Variants in TRIO observed in about 807,000 individuals in gnomAD.
TRIO encodes the protein triple functional domain protein.
Under a neutral mutation model 351.9 loss-of-function variants are expected in TRIO, and 58 were observed. That is an observed-to-expected ratio of 0.16 (90% CI 0.13 to 0.21). TRIO has a LOEUF of 0.21. Ranked by LOEUF, TRIO falls within the 10% of genes least tolerant of loss-of-function variation. The pLI is 1.00. For missense variants in TRIO, 3,201 were observed against 4,027.8 expected (o/e 0.79, Z 5.56); for synonymous variants, 1,758 against 1,595.7 (o/e 1.10, Z -2.42).
chr5:14,380,301 GCGCCCCGCC>G (rs1745967579), intron 20 of TRIO, among the ~76,000 whole-genome samples: 1 of 122,678 alleles, frequency 8.2e-6, no homozygotes, highest in Non-Finnish European at 1.6e-5. Context: ...CTCCTCCTTC[GCGCCCCGCC>G]TCCTCCTTCG....
chr5:14,446,055 G>T (rs1038285453), intron 34 of TRIO, among the ~76,000 whole-genome samples: 3 of 152,194 alleles, frequency 2.0e-5, no homozygotes, highest in Admixed American at 1.3e-4. Context: ...CTGTTAATTG[G>T]TGTTCTTAGC....
chr5:14,469,185 T>G (rs1387350663), intron 37 of TRIO, among the ~76,000 whole-genome samples: 2 of 152,060 alleles, frequency 1.3e-5, no homozygotes. Flanking sequence ...AGGAATGAAT[T>G]TATACAGATA....
chr5:14,467,948 G>A (rs1055886161), intron 37 of TRIO, among the ~76,000 whole-genome samples: 2 of 152,174 alleles, frequency 1.3e-5, no homozygotes, highest in Admixed American at 1.3e-4. Context: ...GAGTTTTTAA[G>A]CATCCTTAAA....
intron 1 of TRIO, among the ~76,000 whole-genome samples, chr5:14,264,830 T>G (rs1795570653): frequency 6.6e-6 from 1 of 152,226 alleles, no homozygotes; most frequent in South Asian, 2.1e-4. Flanking sequence ...CGCGTGCGCT[T>G]GCGGAGCGAG....
At chr5:14,378,771 C>T (rs140296289) in intron 20 of TRIO, among the ~76,000 whole-genome samples, 1 of 151,994 alleles carries the variant, frequency 6.6e-6, no homozygotes, top group African/African-American at 2.4e-5. Context: ...TGTTGGCCAG[C>T]CTGGTCTCGA....
intron 9 of TRIO, among the ~76,000 whole-genome samples, chr5:14,322,389 A>G (rs1362579054): frequency 6.6e-6 from 1 of 152,198 alleles, no homozygotes; most frequent in Non-Finnish European, 1.5e-5. Flanking sequence ...GTGCATGGGA[A>G]TTTTGGAAGT....
At chr5:14,436,775 C>G (rs1751622700) in intron 34 of TRIO, among the ~76,000 whole-genome samples, 1 of 152,222 alleles carries the variant, frequency 6.6e-6, no homozygotes, top group South Asian at 2.1e-4. Context: ...TCCTTTGACT[C>G]CATGTCTCAC....
intron 1 of TRIO, among the ~76,000 whole-genome samples, chr5:14,231,551 G>C (rs1311998527): frequency 6.6e-6 from 1 of 152,156 alleles, no homozygotes; most frequent in Non-Finnish European, 1.5e-5. Flanking sequence ...GGCCTTCTTT[G>C]CTCTCCTTAG....
intron 1 of TRIO, among the ~76,000 whole-genome samples, chr5:14,259,447 T>G (rs1329353692): frequency 6.6e-6 from 1 of 152,254 alleles, no homozygotes; most frequent in Non-Finnish European, 1.5e-5. Flanking sequence ...GCAGATGCAT[T>G]ACTTTTCTCA....
At chr5:14,388,715 A>C in intron 24 of TRIO, 36 bp downstream of exon 24, 1 of 1,314,456 alleles carries the variant, frequency 7.6e-7, no homozygotes, top group African/African-American at 2.4e-5. Flanking sequence ...TTGCTTGTTT[A>C]TTTAGATTGA....
At chr5:14,384,277 C>G (rs1019563712) in intron 21 of TRIO, among the ~76,000 whole-genome samples, 1 of 152,184 alleles carries the variant, frequency 6.6e-6, no homozygotes, top group African/African-American at 2.4e-5. Flanking sequence ...TGATCACCAG[C>G]GTCCGCAATG....
chr5:14,327,872 A>G (rs1740526510), intron 9 of TRIO, among the ~76,000 whole-genome samples: 2 of 152,236 alleles, frequency 1.3e-5, no homozygotes, highest in South Asian at 4.1e-4. Context: ...GTTGTCCTTG[A>G]GACATTTCTT....
intron 1 of TRIO, among the ~76,000 whole-genome samples, chr5:14,188,513 A>G (rs1045499077): frequency 1.3e-5 from 2 of 152,228 alleles, no homozygotes; most frequent in African/African-American, 2.4e-5. Context: ...TGTCTTTTAT[A>G]TGACTGATGA....
Position 14,330,778 on chromosome 5 carries a change from G to A in TRIO, c.1732G>A (p.Val578Met). 6.2e-7 allele frequency: 1 copy of A among 1,613,946 alleles called. No homozygotes were observed. Among genetic ancestry groups the A allele is most frequent in the Non-Finnish European group, 8.5e-7 (1 of 1,179,896 alleles). The part of the protein sequence containing the change: ...LCVFQQDVQQ[V>M]LDWIENHGEA... ...CATATGTACCTGTATTTCATTGTAG[G>A]TGCTAGACTGGATCGAGAACCACGG... Residue 578 changes from valine to methionine, a missense_variant and splice_region_variant, in exon 10 of 57, where the codon GTG (valine) becomes ATG (methionine). By Grantham distance (21) the Val-to-Met change is conservative. Coordinates refer to ENST00000344204, the MANE Select transcript of TRIO (RefSeq NM_007118.4).
intron 34 of TRIO, among the ~76,000 whole-genome samples, chr5:14,440,326 G>A (rs1331730336): frequency 4.6e-5 from 7 of 152,222 alleles, no homozygotes; most frequent in African/African-American, 1.7e-4. Flanking sequence ...GGTCTAGTGT[G>A]GAGGGCACCG....
chr5:14,216,993 C>T (rs1016506278), intron 1 of TRIO, among the ~76,000 whole-genome samples: 4 of 152,208 alleles, frequency 2.6e-5, no homozygotes, highest in Non-Finnish European at 5.9e-5. Flanking sequence ...GGCAAGGAGG[C>T]GTGCTGGGAA....
chr5:14,343,670 A>G (rs1742149601), intron 11 of TRIO, among the ~76,000 whole-genome samples: 2 of 152,324 alleles, frequency 1.3e-5, no homozygotes, highest in African/African-American at 4.8e-5. Flanking sequence ...CACTGGGGAC[A>G]TTCGAGTTAT....
At chr5:14,421,227 ATTTATTTTAT>A (rs77834736) in intron 34 of TRIO, among the ~76,000 whole-genome samples, 6,614 of 117,984 alleles carry the variant, frequency 0.056, 182 homozygotes, top group Middle Eastern at 0.097. Context: ...TTATTTATTT[ATTTATTTTAT>A]TTTATTTTAT....
At chr5:14,264,532 AT>A (rs1453466434) in intron 1 of TRIO, among the ~76,000 whole-genome samples, 3 of 152,190 alleles carry the variant, frequency 2.0e-5, no homozygotes, top group Admixed American at 1.3e-4. Context: ...TGTTAAAAAA[AT>A]AATATAAGCA....
Sources: gnomAD v4.1 joint callset for allele counts (sites outside exome capture counted in the v4.1 genomes callset) on GRCh38, gnomAD v4.1.1 for gene constraint, MANE v1.5 for transcripts, NCBI Gene and HGNC (gene_info 2026-07-23, HGNC 2026-07-21) for gene names.